The following SPATA31A1 variants were observed in gnomAD, a reference collection of about 807,000 sequenced individuals.
The protein encoded by SPATA31A1 is spermatogenesis-associated protein 31A1.
For missense variants in SPATA31A1, 579 were observed against 1,476.3 expected (o/e 0.39, Z 9.96); for synonymous variants, 194 against 573.4 (o/e 0.34, Z 9.45).
intron 3 of SPATA31A1, 51 bp downstream of exon 3, chr9:39,357,869 C>T: frequency 6.5e-7 from 1 of 1,536,752 alleles, no homozygotes; most frequent in South Asian, 1.2e-5. Flanking sequence ...TGGGACGTGA[C>T]CCCAGGGCCA....
Position 39,358,787 on chromosome 9 carries a change from G to C in SPATA31A1, c.1022G>C (p.Trp341Ser). ...QVTETAKVNI[W>S]EEKENVGSFT... ...ACAGAAACAGCCAAGGTCAACATTT[G>C]GGAAGAAAAAGAAAATGTTGGATCA... is the stretch of plus-strand genomic sequence containing the variant. Residue 341 changes from tryptophan to serine, a missense_variant, in exon 4 of 4, where the codon TGG becomes TCG. Trp to Ser is a radical substitution (Grantham distance 177). Transcript: ENST00000377647. 1 of 1,599,594 alleles carries C rather than the reference G, an allele frequency of 6.3e-7. No homozygotes were observed. Among genetic ancestry groups the C allele is most frequent in the Non-Finnish European group, 8.5e-7 (1 of 1,179,732 alleles).
intron 1 of SPATA31A1, among the ~76,000 whole-genome samples, chr9:39,356,482 C>CTGTG (rs201386587): frequency 8.1e-6 from 1 of 123,948 alleles, no homozygotes; most frequent in Non-Finnish European, 1.7e-5. Context: ...GAAAATCCCT[C>CTGTG]TGTGTGTGTG....
At chr9:39,356,096 G>A (rs1376788269) in intron 1 of SPATA31A1, among the ~76,000 whole-genome samples, 177 bp downstream of exon 1, 3 of 5,662 alleles carry the variant, frequency 5.3e-4, no homozygotes, top group African/African-American at 9.1e-4. Context: ...GGTAGATAGT[G>A]TACTGGGATT....
chr9:39,355,832 T>C lies in SPATA31A1; in HGVS notation c.102T>C (p.Phe34=). ...WVLDIFLTLV[F]ALGFFFLLLP... Reference sequence around the variant, plus strand: ...TGGATATCTTCCTCACTTTGGTGTTTGCCCTGGGGTTCTTCTTCCTATTAC... The same window carrying C: ...TGGATATCTTCCTCACTTTGGTGTTCGCCCTGGGGTTCTTCTTCCTATTAC... The change falls in exon 1 of 4, where the codon TTT becomes TTC. Residue 34 remains phenylalanine, a synonymous_variant. Coordinates refer to ENST00000377647, the MANE Select transcript of SPATA31A1 (RefSeq NM_001085452.4). 3 of 366,660 alleles carry C rather than the reference T, an allele frequency of 8.2e-6. No homozygotes were observed. Among genetic ancestry groups the C allele is most frequent in the East Asian group, 5.5e-5 (1 of 18,120 alleles). 22.7% of individuals were successfully genotyped at this position (366,660 alleles called of 1,614,324 possible). A position where few individuals can be genotyped will look rare whatever the true frequency, so the allele number is the denominator to read the frequency against.
Position 39,360,220 on chromosome 9 carries a change from GTCC to G in SPATA31A1, c.2458_2460del (p.Leu820del). The G allele has an allele frequency of 2.2e-6, 2 of 930,000 alleles. No homozygotes were observed. The highest frequency in any genetic ancestry group is 5.1e-5 in the Admixed American group (2 of 39,524). 57.6% of individuals were successfully genotyped at this position (930,000 alleles called of 1,614,324 possible). A position where few individuals can be genotyped will look rare whatever the true frequency, so the allele number is the denominator to read the frequency against. On this transcript the variant is annotated inframe_deletion, in exon 4 of 4. Coordinates refer to ENST00000377647, the MANE Select transcript of SPATA31A1 (RefSeq NM_001085452.4). Reference sequence around the variant, plus strand: ...ACACAGGTGGGGTCTACCCCTCAGGGTCCTCAAGCCCATTCAGTGCTTTAAACT... The same window carrying G: ...ACACAGGTGGGGTCTACCCCTCAGGGTCAAGCCCATTCAGTGCTTTAAACT...
At position 39,357,601 on chromosome 9, in the gene SPATA31A1, C is replaced by A. The variant is rs1255930071; in HGVS notation, c.248-157C>A. Among the ~76,000 whole-genome samples the A allele has an allele frequency of 4.6e-5, 7 of 151,058 alleles. No homozygotes were observed. In the East Asian group the frequency reaches 1.2e-3, roughly 25 times the overall value. ...GAATGAAAAAGCCCTGTCCTCCATG[C>A]ATTGCTATTAACGTCGGGGTCATGT... On this transcript the variant is annotated intron_variant, in intron 2 of 3. Coordinates refer to ENST00000377647, the MANE Select transcript of SPATA31A1 (RefSeq NM_001085452.4).
At chr9:39,357,617 G>A (rs1823360785) in intron 2 of SPATA31A1, 141 bp from the exon 3 acceptor site, 20 of 1,530,484 alleles carry the variant, frequency 1.3e-5, no homozygotes, top group East Asian at 2.3e-5. Context: ...TATTAACGTC[G>A]GGGTCATGTG....
At position 39,357,656 on chromosome 9, in the gene SPATA31A1, G is replaced by A. The variant is rs537137629; in HGVS notation, c.248-102G>A. ...TTGGACACAGATGGGTGGGGCCCAG[G>A]GTCTAATTCCCCATGGTCCTCCCTA... On this transcript the variant is annotated intron_variant, in intron 2 of 3. Coordinates refer to ENST00000377647, the MANE Select transcript of SPATA31A1 (RefSeq NM_001085452.4). 4.4e-6 allele frequency: 7 copies of A among 1,595,456 alleles called. No homozygotes were observed. In the Admixed American group the frequency reaches 1.2e-4, roughly 27 times the overall value.
In SPATA31A1 at chr9:39,361,381, G is replaced by A. The variant is rs1490243371; in HGVS notation, c.3616G>A (p.Ala1206Thr). ...RSCVYSSSAE[A>T]QGLMTAVGQM... ...ATGTGTGTACAGCAGCAGTGCTGAA[G>A]CTCAGGGTCTCATGACGGCAGTTGG... The change falls in exon 4 of 4, where the codon GCT (alanine) becomes ACT (threonine). Residue 1206 changes from alanine (A) to threonine (T), a missense_variant. Physicochemically the swap from Ala to Thr is moderately conservative, Grantham distance 58. Coordinates refer to ENST00000377647, the MANE Select transcript of SPATA31A1 (RefSeq NM_001085452.4). The A allele has an allele frequency of 1.9e-5, 31 of 1,613,676 alleles. No homozygotes were observed. The African/African-American group carries it at 2.8e-4, about 15-fold the overall frequency.
Position 39,359,321 on chromosome 9 carries a change from A to C in SPATA31A1, c.1556A>C (p.Lys519Thr). The C allele has an allele frequency of 2.5e-6, 4 of 1,604,946 alleles. No homozygotes were observed. The South Asian group carries it at 3.3e-5, about 13-fold the overall frequency. ...TCTCCTGCTTTTCCATCCCTGATTA[A>C]GAACACTGGAGTAGCTTGCCCTGCA... The part of the protein sequence containing the change: ...VLSPAFPSLI[K>T]NTGVACPASQ... The change falls in exon 4 of 4, where the codon AAG becomes ACG. Residue 519 changes from lysine to threonine, a missense_variant. Coordinates refer to ENST00000377647, the MANE Select transcript of SPATA31A1 (RefSeq NM_001085452.4).
In SPATA31A1 at chr9:39,361,098, G is replaced by T. The variant is rs773530838; in HGVS notation, c.3333G>T (p.Glu1111Asp). The T allele has an allele frequency of 1.2e-5, 20 of 1,611,320 alleles. No homozygotes were observed. In the East Asian group the frequency reaches 4.5e-4, roughly 36 times the overall value. ...TGTTTCCCCCTATTCACAAGAGTGA[G>T]AAGTCTAGGAAGCCCAACTTAGAAA... ...RPMFPPIHKS[E>D]KSRKPNLEKH... Residue 1111 changes from glutamate (E) to aspartate (D), a missense_variant, in exon 4 of 4, where the codon GAG becomes GAT. Transcript: ENST00000377647.
In SPATA31A1 at chr9:39,360,335, TG is replaced by T; in HGVS notation, c.2572del (p.Asp858ThrfsTer12). 1.1e-6 allele frequency: 1 copy of T among 905,008 alleles called. No homozygotes were observed. Among genetic ancestry groups the T allele is most frequent in the Non-Finnish European group, 1.6e-6 (1 of 622,016 alleles). 56.1% of individuals were successfully genotyped at this position (905,008 alleles called of 1,614,324 possible). ...TCTGGGGCTGGCTCAGAAGTTGAGGTGGACATGTTCCTTAGAAAGCCACCAA... is the reference window on the plus strand; with the variant it reads ...TCTGGGGCTGGCTCAGAAGTTGAGGTGACATGTTCCTTAGAAAGCCACCAA... Reference protein sequence around the residue: ...CESGAGSEVEVDMFLRKPPMA... With the variant: ...CESGAGSEVEXDMFLRKPPMA... On this transcript the variant is annotated frameshift_variant, in exon 4 of 4. Coordinates refer to ENST00000377647, the MANE Select transcript of SPATA31A1 (RefSeq NM_001085452.4). LOFTEE classifies it low-confidence loss of function (END_TRUNC).
At position 39,358,862 on chromosome 9, in the gene SPATA31A1, T is replaced by C; in HGVS notation, c.1097T>C (p.Leu366Ser). Reference sequence around the variant, plus strand: ...AAGCACTTAAATTCTTTGCGGAATTTGGCTAAATCATTGGATGCTGAGCAG... The same window carrying C: ...AAGCACTTAAATTCTTTGCGGAATTCGGCTAAATCATTGGATGCTGAGCAG... Reference protein sequence around the residue: ...PEKHLNSLRNLAKSLDAEQDT... With the variant: ...PEKHLNSLRNSAKSLDAEQDT... The change falls in exon 4 of 4, where the codon TTG (leucine) becomes TCG (serine). Residue 366 changes from leucine (L) to serine (S), a missense_variant. Leu to Ser is a moderately radical substitution (Grantham distance 145). Coordinates refer to ENST00000377647, the MANE Select transcript of SPATA31A1 (RefSeq NM_001085452.4). The C allele has an allele frequency of 4.4e-6, 7 of 1,596,070 alleles. No individual in the cohort carries two copies. Among genetic ancestry groups the C allele is most frequent in the Non-Finnish European group, 5.9e-6 (7 of 1,179,714 alleles).
chr9:39,358,350 C>T lies in SPATA31A1; in HGVS notation c.585C>T (p.His195=), dbSNP rs1428764401. The change falls in exon 4 of 4, where the codon CAC becomes CAT. Residue 195 remains histidine (H), a synonymous_variant. Transcript: ENST00000377647. ...CAGAACCTTCCCTTCCCCTAGAACA[C>T]CCCTCACCCGAGCCACCTGCACTTT... ...QPPEPSLPLE[H]PSPEPPALFP... is the part of the protein sequence containing the mutation. The T allele has an allele frequency of 2.0e-6, 3 of 1,522,442 alleles. No individual in the cohort carries two copies. Among genetic ancestry groups the T allele is most frequent in the Admixed American group, 1.9e-5 (1 of 52,018 alleles). The allele number at this position is 1,522,442 out of a possible 1,614,324, so 94.3% of individuals were successfully genotyped here.
intron 1 of SPATA31A1, among the ~76,000 whole-genome samples, chr9:39,356,661 C>A (rs1289211070): frequency 8.2e-5 from 2 of 24,310 alleles, no homozygotes; most frequent in African/African-American, 3.9e-4. Context: ...GGAGTGATAT[C>A]GGCTCACTGC....
chr9:39,361,336 A>T lies in SPATA31A1; in HGVS notation c.3571A>T (p.Lys1191Ter). ...AGCACCAGTCACTGCTGAGAGCCAAAAAACAGTGAAAAACAGATCATGTGT... is the reference window on the plus strand; with the variant it reads ...AGCACCAGTCACTGCTGAGAGCCAATAAACAGTGAAAAACAGATCATGTGT... ...KPAPVTAESQKTVKNRSCVYS... is the reference protein window; with the variant it reads ...KPAPVTAESQ The change falls in exon 4 of 4, where the codon AAA (lysine) becomes TAA (stop). Residue 1191 changes from lysine to a stop codon, truncating the protein, a stop_gained. Coordinates refer to ENST00000377647, the MANE Select transcript of SPATA31A1 (RefSeq NM_001085452.4). LOFTEE classifies it low-confidence loss of function (END_TRUNC). The T allele has an allele frequency of 6.2e-7, 1 of 1,613,614 alleles. No individual in the cohort carries two copies. The highest frequency in any genetic ancestry group is 1.1e-5 in the South Asian group (1 of 91,058).
In SPATA31A1 at chr9:39,358,661, A is replaced by C; in HGVS notation, c.896A>C (p.Gln299Pro). 1 of 1,608,342 alleles carries C rather than the reference A, an allele frequency of 6.2e-7. No homozygotes were observed. Among genetic ancestry groups the C allele is most frequent in the Non-Finnish European group, 8.5e-7 (1 of 1,179,740 alleles). Residue 299 changes from glutamine (Q) to proline (P), a missense_variant, in exon 4 of 4, where the codon CAA becomes CCA. Physicochemically the swap from Gln to Pro is moderately conservative, Grantham distance 76. Coordinates refer to ENST00000377647, the MANE Select transcript of SPATA31A1 (RefSeq NM_001085452.4). ...TSCAFNSSVQQDHLSRHPPET... is the reference protein window; with the variant it reads ...TSCAFNSSVQPDHLSRHPPET... ...TGCGCCTTTAACTCATCAGTCCAGC[A>C]AGATCATCTTTCCCGCCACCCACCA...
At chr9:39,356,540 T>A in intron 1 of SPATA31A1, among the ~76,000 whole-genome samples, 1 of 121,742 alleles carries the variant, frequency 8.2e-6, no homozygotes, top group East Asian at 2.4e-4. Context: ...TGTGTGTTAT[T>A]TTCATTTTAT....
chr9:39,361,195 C>A lies in SPATA31A1; in HGVS notation c.3430C>A (p.Gln1144Lys). The change falls in exon 4 of 4, where the codon CAG becomes AAG. Residue 1144 changes from glutamine to lysine, a missense_variant. Coordinates refer to ENST00000377647, the MANE Select transcript of SPATA31A1 (RefSeq NM_001085452.4). ...TPVRKTEDTH[Q>K]DEGVQLLPSK... ...AGTCAGGAAAACAGAAGACACCCAT[C>A]AGGATGAAGGCGTCCAGCTACTGCC... The A allele has an allele frequency of 1.2e-6, 2 of 1,611,500 alleles. No individual in the cohort carries two copies. The highest frequency in any genetic ancestry group is 1.7e-6 in the Non-Finnish European group (2 of 1,179,794).
Sources: allele counts gnomAD v4.1 joint callset (sites outside exome capture counted in the v4.1 genomes callset), GRCh38; gene constraint gnomAD v4.1.1; transcripts MANE v1.5; gene names NCBI Gene and HGNC (gene_info 2026-07-23, HGNC 2026-07-21).